The following GAA variants were observed in gnomAD, a reference collection of about 807,000 sequenced individuals.
GAA encodes alpha glucosidase.
In GAA, 88 loss-of-function variants were observed where a neutral mutation model predicts 103.9. The ratio of observed to expected loss-of-function variants is 0.85; its 90% CI spans 0.71 to 1.01. The LOEUF is 1.01. GAA is among the 50% of genes least tolerant of loss of function. The probability of loss-of-function intolerance (pLI) is 0.00; values close to 1 mark genes in which losing one functional copy is unlikely to be tolerated. For missense variants in GAA, 1,350 were observed against 1,305.3 expected, an observed-to-expected ratio of 1.03 and a Z score of -0.53; for synonymous variants, 572 against 563.1, an observed-to-expected ratio of 1.02 and a Z score of -0.22.
In GAA at chr17:80,118,763, C is replaced by T. The variant is rs766916186; in HGVS notation, c.2757C>T (p.Asn919=). The change falls in exon 19 of 20, where the codon AAC becomes AAT. Residue 919 remains asparagine, a synonymous_variant. Transcript: ENST00000302262. ...CGGCGCCCCAGCAGGTCCTCTCCAA[C>T]GGTGTCCCTGTCTCCAACTTCACCT... ...VATAPQQVLS[N]GVPVSNFTYS... is the part of the protein sequence containing the mutation. The T allele has an allele frequency of 2.0e-5, 32 of 1,613,436 alleles. No individual in the cohort carries two copies. Among genetic ancestry groups the T allele is most frequent in the Middle Eastern group, 1.6e-4 (1 of 6,084 alleles).
At chr17:80,117,793 T>C in intron 17 of GAA, 44 bp downstream of exon 17, 1 of 1,568,364 alleles carries the variant, frequency 6.4e-7, no homozygotes, top group Non-Finnish European at 8.6e-7. Flanking sequence ...GACAGCACAC[T>C]GCAGAGCTGG....
In GAA at chr17:80,108,584, A is replaced by G. The variant is rs778634337; in HGVS notation, c.1171A>G (p.Met391Val). The G allele has an allele frequency of 3.7e-6, 6 of 1,612,710 alleles. No homozygotes were observed. Among genetic ancestry groups the G allele is most frequent in the Admixed American group, 3.3e-5 (2 of 59,972 alleles). Reference protein sequence around the residue: ...TAITRQVVENMTRAHFPLDVQ... With the variant: ...TAITRQVVENVTRAHFPLDVQ... ...TATCACCCGCCAGGTGGTGGAGAAC[A>G]TGACCAGGGCCCACTTCCCCCTGGT... The change falls in exon 7 of 20, where the codon ATG becomes GTG. Residue 391 changes from methionine (M) to valine (V), a missense_variant. Met to Val is a conservative substitution (Grantham distance 21). Transcript: ENST00000302262.
At chr17:80,115,132 G>GT (rs939022154) in intron 15 of GAA, among the ~76,000 whole-genome samples, 77 of 152,168 alleles carry the variant, frequency 5.1e-4, no homozygotes, top group African/African-American at 1.8e-3. Flanking sequence ...AACTTGGGCG[G>GT]TTTTTCAGCC....
At chr17:80,117,137 G>A in intron 16 of GAA, 28 bp downstream of exon 16, 3 of 1,608,628 alleles carry the variant, frequency 1.9e-6, no homozygotes, top group African/African-American at 1.3e-5. Flanking sequence ...AAGCCCTGGG[G>A]AGACGGGAGA....
In GAA at chr17:80,104,230, C is replaced by G. The variant is rs1455431957; in HGVS notation, c.-32-325C>G. 6.6e-6 allele frequency among the ~76,000 whole-genome samples: 1 copy of G among 152,216 alleles called. No homozygotes were observed. The highest frequency in any genetic ancestry group is 1.9e-4 in the East Asian group (1 of 5,204). ...AGTGAGCCAGGATCTCACCACAGCA[C>G]TCTGGCCCAGGCGACAGCTGTTTGG... On this transcript the variant is annotated intron_variant, in intron 1 of 19. Coordinates refer to ENST00000302262, the MANE Select transcript of GAA (RefSeq NM_000152.5). This position sits in a 1 kb window ranked among gnomAD's most constrained non-coding sequence, Gnocchi z 4.0.
intron 11 of GAA, 46 bp from the exon 12 acceptor site, chr17:80,111,937 C>A (rs899666302): frequency 6.5e-7 from 1 of 1,545,390 alleles, no homozygotes. Flanking sequence ...CACCTTGGAG[C>A]CTGCCGGGAG....
At position 80,117,016 on chromosome 17, in the gene GAA, G is replaced by A. The variant is rs1800312; in HGVS notation, c.2238G>A (p.Trp746Ter). The change falls in exon 16 of 20, where the codon TGG (tryptophan) becomes TGA (stop). Residue 746 changes from tryptophan to a stop codon, truncating the protein, a stop_gained. Coordinates refer to ENST00000302262, the MANE Select transcript of GAA (RefSeq NM_000152.5). LOFTEE classifies it high-confidence loss of function. Reference sequence around the variant, plus strand: ...GGACTGTGGACCACCAGCTCCTGTGGGGGGAGGCCCTGCTCATCACCCCAG... The same window carrying A: ...GGACTGTGGACCACCAGCTCCTGTGAGGGGAGGCCCTGCTCATCACCCCAG... ...STWTVDHQLLWGEALLITPVL... is the reference protein window; with the variant it reads ...STWTVDHQLL 7 of 1,613,574 alleles carry A rather than the reference G, an allele frequency of 4.3e-6. No individual in the cohort carries two copies. Among genetic ancestry groups the A allele is most frequent in the African/African-American group, 2.7e-5 (2 of 74,920 alleles).
chr17:80,111,755 G>A (rs2143880379), intron 11 of GAA: 1 of 569,892 alleles, frequency 1.8e-6, no homozygotes, highest in Non-Finnish European at 3.2e-6. Context: ...CAGAGCCCAG[G>A]CTCCAGCACC....
chr17:80,102,914 G>A (rs959222250), intron 1 of GAA, among the ~76,000 whole-genome samples: 11 of 152,194 alleles, frequency 7.2e-5, no homozygotes, highest in Non-Finnish European at 2.9e-5. Flanking sequence ...GTAGTGTCAA[G>A]ATTGAATTGA....
In GAA at chr17:80,104,272, A is replaced by G. The variant is rs746385467; in HGVS notation, c.-32-283A>G. ...GCTGTTTGGCCTGTTTCAAGTGTCT[A>G]CCTGCCTTGCTGGTCTTCCTGGGGA... On this transcript the variant is annotated intron_variant, in intron 1 of 19. Coordinates refer to ENST00000302262, the MANE Select transcript of GAA (RefSeq NM_000152.5). This position sits in a 1 kb window ranked among gnomAD's most constrained non-coding sequence, Gnocchi z 4.0. 2.0e-5 allele frequency among the ~76,000 whole-genome samples: 3 copies of G among 152,110 alleles called. No homozygotes were observed. Among genetic ancestry groups the G allele is most frequent in the Non-Finnish European group, 4.4e-5 (3 of 68,020 alleles).
intron 18 of GAA, 116 bp downstream of exon 18, chr17:80,118,473 C>A: frequency 6.9e-7 from 1 of 1,453,402 alleles, no homozygotes; most frequent in African/African-American, 1.4e-5. Context: ...GACACTCTAG[C>A]AGGTGGCCTG....
At chr17:80,105,537 G>T (rs934677127) in intron 2 of GAA, among the ~76,000 whole-genome samples, 1 of 152,196 alleles carries the variant, frequency 6.6e-6, no homozygotes, top group African/African-American at 2.4e-5. Context: ...AGAGTTATCA[G>T]GTGTTCTGTA....
chr17:80,116,756 A>C, intron 15 of GAA: 1 of 609,898 alleles, frequency 1.6e-6, no homozygotes, highest in Non-Finnish European at 3.0e-6. Context: ...AGCTGCCGGC[A>C]TGTCCGGGGA....
intron 11 of GAA, among the ~76,000 whole-genome samples, chr17:80,111,319 C>T (rs1187693451): frequency 1.3e-5 from 2 of 152,194 alleles, no homozygotes; most frequent in Admixed American, 6.5e-5. Flanking sequence ...GACCATGCAG[C>T]GGAGACCTAC....
At chr17:80,111,512 C>T (rs2039237107) in intron 11 of GAA, among the ~76,000 whole-genome samples, 1 of 152,112 alleles carries the variant, frequency 6.6e-6, no homozygotes, top group Non-Finnish European at 1.5e-5. Flanking sequence ...CCAGACATCG[C>T]CTGAGGGGTG....
In GAA at chr17:80,104,640, C is replaced by T. The variant is rs886053542; in HGVS notation, c.54C>T (p.Leu18=). 25 of 1,613,190 alleles carry T rather than the reference C, an allele frequency of 1.5e-5. No homozygotes were observed. The East Asian group carries it at 4.7e-4, about 30-fold the overall frequency. The change falls in exon 2 of 20, where the codon CTC becomes CTT. Residue 18 remains leucine (L), a synonymous_variant. Coordinates refer to ENST00000302262, the MANE Select transcript of GAA (RefSeq NM_000152.5). The surrounding 1 kb of genome is among the most constrained non-coding windows in gnomAD (Gnocchi z 4.0). ...ACCGGCTCCTGGCCGTCTGCGCCCT[C>T]GTGTCCTTGGCAACCGCTGCACTCC... ...CSHRLLAVCA[L]VSLATAALLG...
chr17:80,112,651 G>A lies in GAA; in HGVS notation c.1828G>A (p.Ala610Thr), dbSNP rs144731405. 3.8e-5 allele frequency: 62 copies of A among 1,612,550 alleles called. 1 individual carries two copies. The Middle Eastern group carries it at 1.2e-3, about 30-fold the overall frequency. Residue 610 changes from alanine (A) to threonine (T), a missense_variant, in exon 13 of 20, where the codon GCC becomes ACC. Coordinates refer to ENST00000302262, the MANE Select transcript of GAA (RefSeq NM_000152.5). ...RSTFAGHGRY[A>T]GHWTGDVWSS... is the part of the protein sequence containing the mutation. ...GACCTTTGCTGGCCACGGCCGATAC[G>A]CCGGCCACTGGACGGGGGACGTGTG... is the stretch of plus-strand genomic sequence containing the variant.
At chr17:80,116,276 G>A (rs1279745008) in intron 15 of GAA, among the ~76,000 whole-genome samples, 1 of 152,224 alleles carries the variant, frequency 6.6e-6, no homozygotes, top group Non-Finnish European at 1.5e-5. Context: ...TTTGTGGAAA[G>A]CAACAGTACA....
chr17:80,119,350 T>A lies in GAA; in HGVS notation c.*19T>A, dbSNP rs373978246. The A allele has an allele frequency of 1.4e-5, 22 of 1,609,176 alleles. No individual in the cohort carries two copies. The highest frequency in any genetic ancestry group is 1.7e-5 in the Non-Finnish European group (20 of 1,175,696). ...GTGTTAGCCGGGCGGAGTGTGTTAG[T>A]CTCTCCAGAGGGAGGCTGGTTCCCC... On this transcript the variant is annotated 3_prime_UTR_variant, in exon 20 of 20. Coordinates refer to ENST00000302262, the MANE Select transcript of GAA (RefSeq NM_000152.5).
Sources: gnomAD v4.1 joint callset for allele counts (sites outside exome capture counted in the v4.1 genomes callset) on GRCh38, gnomAD v4.1.1 for gene constraint, Gnocchi (gnomAD v3.1) non-coding constraint, MANE v1.5 for transcripts, NCBI Gene and HGNC (gene_info 2026-07-23, HGNC 2026-07-21) for gene names.